Variants in IFNAR1 observed in about 807,000 individuals in gnomAD.
The protein encoded by IFNAR1 is interferon alpha/beta receptor 1.
Under a neutral mutation model 62.1 loss-of-function variants are expected in IFNAR1, and 47 were observed. The ratio of observed to expected loss-of-function variants is 0.76; its 90% CI spans 0.60 to 0.97. The LOEUF (loss-of-function observed/expected upper bound fraction) is 0.97, where lower values mean the gene tolerates loss of function less well. Ranked by LOEUF, IFNAR1 falls within the 50% of genes least tolerant of loss-of-function variation. The pLI, the probability that IFNAR1 is intolerant of heterozygous loss-of-function variation, is 0.00. For missense variants in IFNAR1, 638 were observed against 654.5 expected, an observed-to-expected ratio of 0.97 and a Z score of 0.27; for synonymous variants, 219 against 226.9, an observed-to-expected ratio of 0.97 and a Z score of 0.31.
rs752166395 is a variant in IFNAR1, at chr21:33,341,037, A to G, written c.239A>G (p.Gln80Arg). 1.9e-6 allele frequency: 3 copies of G among 1,612,448 alleles called. No homozygotes were observed. The highest frequency in any genetic ancestry group is 3.3e-5 in the Admixed American group (2 of 59,888). ...MDNWIKLSGC[Q>R]NITSTKCNFS... ...AATTGGATAAAATTGTCTGGGTGTCAGAATATTACTAGTACCAAATGCAAC... is the reference window on the plus strand; with the variant it reads ...AATTGGATAAAATTGTCTGGGTGTCGGAATATTACTAGTACCAAATGCAAC... Residue 80 changes from glutamine (Q) to arginine (R), a missense_variant, in exon 3 of 11, where the codon CAG (glutamine) becomes CGG (arginine). Gln to Arg is a conservative substitution (Grantham distance 43, BLOSUM62 1). Transcript: ENST00000270139.
intron 1 of IFNAR1, among the ~76,000 whole-genome samples, chr21:33,333,842 C>T (rs2083206635): frequency 6.6e-6 from 1 of 151,928 alleles, no homozygotes; most frequent in South Asian, 2.1e-4. Context: ...CCAGGATGGT[C>T]TCGATCTCCT....
intron 1 of IFNAR1, among the ~76,000 whole-genome samples, chr21:33,332,727 TA>T (rs2083193529): frequency 6.6e-6 from 1 of 152,070 alleles, no homozygotes; most frequent in Non-Finnish European, 1.5e-5. Context: ...GAATTACATT[TA>T]AAAAATACAA....
At position 33,334,125 on chromosome 21, in the gene IFNAR1, G is replaced by T. The variant is rs931647922; in HGVS notation, c.77-1399G>T. Among the ~76,000 whole-genome samples the T allele has an allele frequency of 5.9e-5, 9 of 152,172 alleles. No homozygotes were observed. The South Asian group carries it at 6.2e-4, about 11-fold the overall frequency. On this transcript the variant is annotated intron_variant, in intron 1 of 10. Coordinates refer to ENST00000270139, the MANE Select transcript of IFNAR1 (RefSeq NM_000629.3). ...GATAAAGGGACCAATTCAGCAAGAG[G>T]ATATAACAATTCTAAACATACATGT...
Position 33,341,043 on chromosome 21 carries a change from T to G in IFNAR1, c.245T>G (p.Ile82Ser). The G allele has an allele frequency of 6.2e-7, 1 of 1,612,766 alleles. No individual in the cohort carries two copies. The highest frequency in any genetic ancestry group is 8.5e-7 in the Non-Finnish European group (1 of 1,178,942). Residue 82 changes from isoleucine (I) to serine (S), a missense_variant, in exon 3 of 11, where the codon ATT becomes AGT. Transcript: ENST00000270139. ...NWIKLSGCQNITSTKCNFSSL... is the reference protein window; with the variant it reads ...NWIKLSGCQNSTSTKCNFSSL... ...ATAAAATTGTCTGGGTGTCAGAATA[T>G]TACTAGTACCAAATGCAACTTTTCT...
intron 8 of IFNAR1, among the ~76,000 whole-genome samples, chr21:33,351,554 T>C (rs575171855): frequency 6.9e-6 from 1 of 144,016 alleles, no homozygotes; most frequent in South Asian, 2.1e-4. Flanking sequence ...TTTATTTTAT[T>C]TTTTTTTTTT....
At chr21:33,337,319 G>T (rs2083247715) in intron 2 of IFNAR1, among the ~76,000 whole-genome samples, 1 of 152,028 alleles carries the variant, frequency 6.6e-6, no homozygotes, top group African/African-American at 2.4e-5. Context: ...CTCTTCCTTA[G>T]TACTTTCTAC....
In IFNAR1 at chr21:33,343,250, G is replaced by A. The variant is rs538192301; in HGVS notation, c.377-18G>A. On this transcript the variant is annotated intron_variant, in intron 3 of 10. Coordinates refer to ENST00000270139, the MANE Select transcript of IFNAR1 (RefSeq NM_000629.3). ...GTATTAATAAAGTTCCATAGTAATT[G>A]TTTTGATTTTTTTGCAGCTCAGATT... 1.0e-5 allele frequency: 16 copies of A among 1,606,460 alleles called. No homozygotes were observed. The highest frequency in any genetic ancestry group is 1.7e-5 in the Admixed American group (1 of 58,748).
At chr21:33,336,553 G>A (rs1568927597) in intron 2 of IFNAR1, among the ~76,000 whole-genome samples, 1 of 151,582 alleles carries the variant, frequency 6.6e-6, no homozygotes, top group East Asian at 1.9e-4. Flanking sequence ...GTGTAAAAGT[G>A]TTCCTATTTC....
In IFNAR1 at chr21:33,346,764, A is replaced by G. The variant is rs564523241; in HGVS notation, c.788+1404A>G. ...AAGGGTTGCAGAAATTGAAAATGTA[A>G]AGGTGAATAGGGGCTAAAGAGACCA... On this transcript the variant is annotated intron_variant, in intron 6 of 10. Transcript: ENST00000270139. 3.9e-5 allele frequency among the ~76,000 whole-genome samples: 6 copies of G among 152,336 alleles called. No individual in the cohort carries two copies. The East Asian group carries it at 1.2e-3, about 29-fold the overall frequency.
At chr21:33,335,986 G>A (rs552493527) in intron 2 of IFNAR1, among the ~76,000 whole-genome samples, 41 of 142,542 alleles carry the variant, frequency 2.9e-4, no homozygotes, top group African/African-American at 9.0e-4. Flanking sequence ...GGTTAGTTAC[G>A]TATGTATACA....
At chr21:33,328,460 C>T (rs1353094315) in intron 1 of IFNAR1, among the ~76,000 whole-genome samples, 1 of 152,114 alleles carries the variant, frequency 6.6e-6, no homozygotes, top group African/African-American at 2.4e-5. Flanking sequence ...GGGGTCCATT[C>T]TGATGGTTGG....
chr21:33,355,099 C>T (rs996439652), intron 10 of IFNAR1, among the ~76,000 whole-genome samples: 2 of 152,078 alleles, frequency 1.3e-5, no homozygotes, highest in Non-Finnish European at 2.9e-5. Flanking sequence ...TCTTCAAAGA[C>T]TCACCACAGA....
chr21:33,337,966 A>T (rs571313176), intron 2 of IFNAR1, among the ~76,000 whole-genome samples: 9 of 152,204 alleles, frequency 5.9e-5, no homozygotes, highest in Non-Finnish European at 1.3e-4. Flanking sequence ...ATTATTTCAG[A>T]TACCCTTATT....
At chr21:33,343,452 G>T (rs201771969) in intron 4 of IFNAR1, 30 bp downstream of exon 4, 12 of 1,589,940 alleles carry the variant, frequency 7.5e-6, no homozygotes, top group African/African-American at 1.4e-5. Flanking sequence ...CTGTTTAATC[G>T]ATGTGAGAGA....
rs34849215 is a variant in IFNAR1 at position 33,345,322 on chromosome 21, T to G, written c.750T>G (p.Tyr250Ter). The change falls in exon 6 of 11, where the codon TAT becomes TAG. Residue 250 changes from tyrosine to a stop codon, truncating the protein, a stop_gained. Coordinates refer to ENST00000270139, the MANE Select transcript of IFNAR1 (RefSeq NM_000629.3). LOFTEE classifies it high-confidence loss of function. ...QNQNYVLKWD[Y>*]TYANMTFQVQ... ...AGAACTATGTTCTTAAATGGGATTA[T>G]ACATATGCAAACATGACCTTTCAAG... 1.5e-5 allele frequency: 24 copies of G among 1,604,148 alleles called. No homozygotes were observed. Among genetic ancestry groups the G allele is most frequent in the Non-Finnish European group, 2.0e-5 (24 of 1,171,278 alleles).
At chr21:33,326,140 A>G (rs1235726757) in intron 1 of IFNAR1, among the ~76,000 whole-genome samples, 1 of 152,188 alleles carries the variant, frequency 6.6e-6, no homozygotes, top group Non-Finnish European at 1.5e-5. Context: ...TACTTTTTAA[A>G]CTAGTAAATG....
rs1229293322 is a variant in IFNAR1, at chr21:33,325,096, T to C, written c.41T>C (p.Val14Ala). The C allele has an allele frequency of 1.2e-6, 2 of 1,611,134 alleles. No individual in the cohort carries two copies. Among genetic ancestry groups the C allele is most frequent in the African/African-American group, 2.7e-5 (2 of 74,860 alleles). Residue 14 changes from valine to alanine, a missense_variant, in exon 1 of 11, where the codon GTC (valine) becomes GCC (alanine). By Grantham distance (64) the Val-to-Ala change is moderately conservative. Transcript: ENST00000270139. ...CTGGGCGCGACGACCCTAGTGCTCGTCGCCGTGGCGCCATGGGTGTTGTCC... is the reference window on the plus strand; with the variant it reads ...CTGGGCGCGACGACCCTAGTGCTCGCCGCCGTGGCGCCATGGGTGTTGTCC... ...VLLGATTLVLVAVAPWVLSAA... is the reference protein window; with the variant it reads ...VLLGATTLVLAAVAPWVLSAA...
At chr21:33,334,640 T>G in intron 1 of IFNAR1, 1 of 687,194 alleles carries the variant, frequency 1.5e-6, no homozygotes. Flanking sequence ...TTCAGGCAGG[T>G]GCAATGGCTT....
intron 8 of IFNAR1, among the ~76,000 whole-genome samples, chr21:33,349,746 G>A (rs906260476): frequency 6.6e-6 from 1 of 151,980 alleles, no homozygotes; most frequent in Admixed American, 6.6e-5. Flanking sequence ...GCAACATAGG[G>A]AGACCCTGTC....
Sources: gnomAD v4.1 joint callset for allele counts (sites outside exome capture counted in the v4.1 genomes callset) on GRCh38, gnomAD v4.1.1 for gene constraint, MANE v1.5 for transcripts, NCBI Gene and HGNC (gene_info 2026-07-23, HGNC 2026-07-21) for gene names.